Variants in SRPK1 observed in about 807,000 individuals in gnomAD.
SRPK1 encodes the protein SFRS protein kinase 1.
In SRPK1, 52 loss-of-function variants were observed where a neutral mutation model predicts 89.5. That is an observed-to-expected ratio of 0.58 (90% confidence interval 0.46 to 0.73). SRPK1 has a LOEUF of 0.73. SRPK1 is among the 30% of genes least tolerant of loss of function. The pLI is 0.00. For synonymous variants in SRPK1, 255 were observed against 270.2 expected (o/e 0.94, Z 0.55); for missense variants, 603 against 780.6 (o/e 0.77, Z 2.71).
chr6:35,888,865 T>C lies in SRPK1; in HGVS notation c.252A>G (p.Arg84=), dbSNP rs899092527. Residue 84 remains arginine, a synonymous_variant, in exon 4 of 16, where the codon CGA becomes CGG. Coordinates refer to ENST00000373825, the MANE Select transcript of SRPK1 (RefSeq NM_003137.5). ...DLFNGRYHVI[R]KLGWGHFSTV... Reference sequence around the variant, plus strand: ...TTGAAAAGTGTCCCCAGCCTAACTTTCGGATCACATGGTATCTCCCATTGA... The same window carrying C: ...TTGAAAAGTGTCCCCAGCCTAACTTCCGGATCACATGGTATCTCCCATTGA... 6.2e-7 allele frequency: 1 copy of C among 1,613,558 alleles called. No individual in the cohort carries two copies. Among genetic ancestry groups the C allele is most frequent in the African/African-American group, 1.3e-5 (1 of 75,038 alleles).
intron 13 of SRPK1, among the ~76,000 whole-genome samples, chr6:35,844,294 C>G (rs995829049): frequency 6.6e-6 from 1 of 152,074 alleles, no homozygotes; most frequent in Non-Finnish European, 1.5e-5. Flanking sequence ...TGAGCCACCA[C>G]GCCTGGCCAA....
At chr6:35,915,997 T>TACACACACACACAC (rs57574093) in intron 2 of SRPK1, among the ~76,000 whole-genome samples, 1 of 90,230 alleles carries the variant, frequency 1.1e-5, no homozygotes, top group Non-Finnish European at 2.0e-5. Context: ...AAAAAATATA[T>TACACACACACACAC]ACACACACAC....
At chr6:35,895,857 C>T (rs1186670875) in intron 2 of SRPK1, 1 of 152,152 alleles carries the variant, frequency 6.6e-6, no homozygotes, top group African/African-American at 2.4e-5. Context: ...CCAATGAAGT[C>T]TTCATGAAAG....
At chr6:35,889,895 G>A (rs1448987166) in intron 3 of SRPK1, among the ~76,000 whole-genome samples, 5 of 149,818 alleles carry the variant, frequency 3.3e-5, no homozygotes, top group Non-Finnish European at 7.4e-5. Flanking sequence ...TCAGGAGATC[G>A]AGACCATCCT....
At chr6:35,869,259 C>A in intron 11 of SRPK1, 149 bp from the exon 12 acceptor site, 1 of 866,104 alleles carries the variant, frequency 1.2e-6, no homozygotes, top group Non-Finnish European at 1.8e-6. Flanking sequence ...ACAGCAACGC[C>A]TTGAGTTTCC....
At chr6:35,920,833 G>A in intron 1 of SRPK1, 2 of 508,606 alleles carry the variant, frequency 3.9e-6, no homozygotes, top group Non-Finnish European at 3.3e-6. Context: ...GGGGAACAAG[G>A]GGCGGCTACG....
rs957838395 is a variant in SRPK1 at position 35,863,622 on chromosome 6, G to T, written c.1512+5388C>A. 2.0e-4 allele frequency among the ~76,000 whole-genome samples: 30 copies of T among 151,256 alleles called. 1 individual carries two copies. The highest frequency in any genetic ancestry group is 8.8e-5 in the Non-Finnish European group (6 of 67,896). ...CCACTGATCCCCAGGCAAATACATG[G>T]GGAGGGGGAGGTGGAGGGGGAGGGG... On this transcript the variant is annotated intron_variant, in intron 12 of 15. Coordinates refer to ENST00000373825, the MANE Select transcript of SRPK1 (RefSeq NM_003137.5).
intron 13 of SRPK1, among the ~76,000 whole-genome samples, chr6:35,846,126 T>TA (rs991289975): frequency 6.6e-6 from 1 of 151,972 alleles, no homozygotes; most frequent in African/African-American, 2.4e-5. Flanking sequence ...TTTAGAAAGA[T>TA]AAAAAATTTC....
intron 6 of SRPK1, among the ~76,000 whole-genome samples, chr6:35,878,438 C>T (rs1356312733): frequency 2.6e-5 from 4 of 152,136 alleles, no homozygotes; most frequent in African/African-American, 9.7e-5. Context: ...TTGGCAGAAT[C>T]TGTCTAATGT....
intron 12 of SRPK1, among the ~76,000 whole-genome samples, chr6:35,867,254 C>G (rs934036856): frequency 1.3e-5 from 2 of 152,198 alleles, no homozygotes; most frequent in Non-Finnish European, 2.9e-5. Flanking sequence ...CTATTGCAGT[C>G]ACTACTGAAG....
intron 12 of SRPK1, among the ~76,000 whole-genome samples, chr6:35,865,187 T>C (rs1198692957): frequency 1.3e-5 from 2 of 152,128 alleles, no homozygotes; most frequent in Admixed American, 6.5e-5. Flanking sequence ...AAGAATATAA[T>C]TGGATTGTCG....
At chr6:35,886,358 G>C (rs189321005) in intron 6 of SRPK1, among the ~76,000 whole-genome samples, 5 of 152,230 alleles carry the variant, frequency 3.3e-5, no homozygotes, top group African/African-American at 9.6e-5. Context: ...GGGATTACAG[G>C]CTTGAGCCAC....
At chr6:35,850,157 G>A (rs1769523049) in intron 13 of SRPK1, among the ~76,000 whole-genome samples, 2 of 152,042 alleles carry the variant, frequency 1.3e-5, no homozygotes, top group South Asian at 2.1e-4. Context: ...AACATCTGAC[G>A]AGTACATTCG....
intron 2 of SRPK1, among the ~76,000 whole-genome samples, chr6:35,906,908 A>G (rs1770858210): frequency 1.3e-5 from 2 of 152,246 alleles, no homozygotes; most frequent in Non-Finnish European, 2.9e-5. Flanking sequence ...TTTATTGGTC[A>G]TTTTGGAGCA....
intron 6 of SRPK1, among the ~76,000 whole-genome samples, chr6:35,880,735 G>GAAAAAAAAAAAAAAAAAA (rs1238876364): frequency 3.7e-5 from 1 of 26,974 alleles, no homozygotes; most frequent in East Asian, 1.2e-3. Context: ...AAAAAAAAAA[G>GAAAAAAAAAAAAAAAAAA]AAAAAAAAAA....
At chr6:35,866,856 G>A (rs1769915830) in intron 12 of SRPK1, among the ~76,000 whole-genome samples, 1 of 152,010 alleles carries the variant, frequency 6.6e-6, no homozygotes, top group Non-Finnish European at 1.5e-5. Context: ...GAAATCATGT[G>A]TTTTGCAGCA....
At chr6:35,848,938 T>C (rs1769480243) in intron 13 of SRPK1, among the ~76,000 whole-genome samples, 1 of 152,170 alleles carries the variant, frequency 6.6e-6, no homozygotes, top group Non-Finnish European at 1.5e-5. Context: ...GAGCAATGAT[T>C]TTTTTGGATT....
chr6:35,866,096 C>G (rs757807484), intron 12 of SRPK1, among the ~76,000 whole-genome samples: 2 of 151,318 alleles, frequency 1.3e-5, no homozygotes, highest in Non-Finnish European at 2.9e-5. Context: ...AAATGGCCAA[C>G]AAATAAATGA....
intron 12 of SRPK1, among the ~76,000 whole-genome samples, chr6:35,862,950 G>A (rs1311790483): frequency 6.6e-6 from 1 of 152,060 alleles, no homozygotes; most frequent in African/African-American, 2.4e-5. Flanking sequence ...GAGCCCAGGA[G>A]TTTAAGACAA....
Sources: allele counts gnomAD v4.1 joint callset (sites outside exome capture counted in the v4.1 genomes callset), GRCh38; gene constraint gnomAD v4.1.1; transcripts MANE v1.5; gene names NCBI Gene and HGNC (gene_info 2026-07-23, HGNC 2026-07-21).